Variants in COG4 observed in about 807,000 individuals in gnomAD.
COG4 encodes the protein component of oligomeric golgi complex 4.
A neutral mutation model predicts 95.1 loss-of-function variants in COG4; 65 were observed. That is an observed-to-expected ratio of 0.68 (90% confidence interval 0.56 to 0.84). The LOEUF (loss-of-function observed/expected upper bound fraction) is 0.84. Among genes scored for constraint, COG4 ranks in the 40% least tolerant of loss-of-function variants. The pLI is 0.00. For missense variants in COG4, 1,045 were observed against 989.1 expected (o/e 1.06, Z -0.76); for synonymous variants, 421 against 374.8 (o/e 1.12, Z -1.42).
At chr16:70,485,021 T>C (rs758874172) in intron 13 of COG4, among the ~76,000 whole-genome samples, 3 of 152,142 alleles carry the variant, frequency 2.0e-5, no homozygotes, top group Non-Finnish European at 4.4e-5. Context: ...ATCCCCATTG[T>C]ACAGATGAGA....
rs1378114930 is a variant in COG4, at chr16:70,501,065, A to G, written c.1088T>C (p.Val363Ala). 2 of 1,613,800 alleles carry G rather than the reference A, an allele frequency of 1.2e-6. No homozygotes were observed. Among genetic ancestry groups the G allele is most frequent in the Admixed American group, 1.7e-5 (1 of 60,006 alleles). ...PRELDPILTE[V>A]TLMNARSELY... ...CTCACTGCGGGCATTCATCAGGGTG[A>G]CCTCAGTCAGGATGGGGTCCAGTTC... Residue 363 changes from valine to alanine, a missense_variant, in exon 9 of 19, where the codon GTC becomes GCC. Coordinates refer to ENST00000323786, the MANE Select transcript of COG4 (RefSeq NM_015386.3).
chr16:70,497,149 G>C, intron 11 of COG4, 72 bp downstream of exon 11: 2 of 1,442,574 alleles, frequency 1.4e-6, no homozygotes, highest in South Asian at 2.3e-5. Flanking sequence ...ACAAAGGGCA[G>C]AAACAAATGG....
intron 8 of COG4, among the ~76,000 whole-genome samples, chr16:70,501,787 G>C (rs2049456167): frequency 6.6e-6 from 1 of 151,810 alleles, no homozygotes; most frequent in Admixed American, 6.6e-5. Context: ...GAGTAGCTGG[G>C]ATTACAGGAG....
intron 16 of COG4, 68 bp downstream of exon 16, chr16:70,482,024 C>T: frequency 7.0e-7 from 1 of 1,422,016 alleles, no homozygotes; most frequent in Non-Finnish European, 9.9e-7. Context: ...TGTGATGAGA[C>T]CCTGCAGGCT....
chr16:70,481,742 AC>A, intron 17 of COG4, 21 bp downstream of exon 17: 2 of 1,597,412 alleles, frequency 1.3e-6, no homozygotes, highest in Non-Finnish European at 1.7e-6. Context: ...AGAGCCGCAG[AC>A]CCATGACCCC....
rs1009301473 is a variant in COG4 at position 70,481,796 on chromosome 16, C to G, written c.2074G>C (p.Glu692Gln). The change falls in exon 17 of 19, where the codon GAG (glutamate) becomes CAG (glutamine). Residue 692 changes from glutamate (E) to glutamine (Q), a missense_variant. Coordinates refer to ENST00000323786, the MANE Select transcript of COG4 (RefSeq NM_015386.3). ...AAGGTGGATTTCAGCACCACTTTCT[C>G]CAACTCGACGGCAACAAGGCTAGTC... is the stretch of plus-strand genomic sequence containing the variant. ...LMTSLVAVEL[E>Q]KVVLKSTFNR... The G allele has an allele frequency of 9.3e-6, 15 of 1,613,982 alleles. No homozygotes were observed. In the South Asian group the frequency reaches 1.3e-4, roughly 14 times the overall value.
At chr16:70,502,660 T>C (rs2151753209) in intron 8 of COG4, among the ~76,000 whole-genome samples, 1 of 152,206 alleles carries the variant, frequency 6.6e-6, no homozygotes, top group Middle Eastern at 3.4e-3. Flanking sequence ...ATCTCTAATT[T>C]AGCCCTGGCA....
chr16:70,509,589 G>C (rs1332638544), intron 6 of COG4, among the ~76,000 whole-genome samples: 5 of 152,162 alleles, frequency 3.3e-5, no homozygotes, highest in Non-Finnish European at 5.9e-5. Context: ...ACACCAGCAG[G>C]CATTTGGTAA....
chr16:70,499,186 T>A (rs960384961), intron 9 of COG4, among the ~76,000 whole-genome samples: 3 of 152,206 alleles, frequency 2.0e-5, no homozygotes, highest in Admixed American at 6.5e-5. Flanking sequence ...TTTTTTTTTT[T>A]ATTAAATTTT....
chr16:70,489,302 T>G (rs1268255617), intron 13 of COG4, among the ~76,000 whole-genome samples: 2 of 150,464 alleles, frequency 1.3e-5, no homozygotes, highest in South Asian at 4.2e-4. Context: ...CACTGCAACC[T>G]CTGCCTCCCA....
At chr16:70,508,274 G>T in intron 8 of COG4, 132 bp downstream of exon 8, 4 of 787,488 alleles carry the variant, frequency 5.1e-6, no homozygotes, top group Non-Finnish European at 8.8e-6. Context: ...ATGATACATT[G>T]CACTGAAAAA....
intron 8 of COG4, among the ~76,000 whole-genome samples, chr16:70,503,775 T>A (rs1351625080): frequency 1.4e-5 from 2 of 138,868 alleles, no homozygotes; most frequent in South Asian, 4.2e-4. Flanking sequence ...TTTGTATTTT[T>A]AGTAGAGACG....
chr16:70,520,715 C>A (rs995859014), intron 1 of COG4, among the ~76,000 whole-genome samples: 2 of 152,072 alleles, frequency 1.3e-5, no homozygotes, highest in South Asian at 4.2e-4. Flanking sequence ...GTGACAGTTA[C>A]CAAAATTTTT....
intron 13 of COG4, among the ~76,000 whole-genome samples, chr16:70,485,317 C>A (rs1381584780): frequency 1.3e-5 from 2 of 151,374 alleles, no homozygotes; most frequent in Non-Finnish European, 2.9e-5. Flanking sequence ...GATTCTCGTG[C>A]CTCAGCCTCC....
chr16:70,480,695 G>C lies in COG4; in HGVS notation c.*315C>G, dbSNP rs1422921706. 7.3e-6 allele frequency: 3 copies of C among 408,248 alleles called. No individual in the cohort carries two copies. Among genetic ancestry groups the C allele is most frequent in the African/African-American group, 2.0e-5 (1 of 49,262 alleles). 25.3% of individuals were successfully genotyped at this position (408,248 alleles called of 1,614,324 possible). On this transcript the variant is annotated 3_prime_UTR_variant, in exon 19 of 19. Coordinates refer to ENST00000323786, the MANE Select transcript of COG4 (RefSeq NM_015386.3). ...GACTGGCAGGGGTAGCTTGTTTGCTGTAGTGTTTGAGGGCAAGAGACTGAC... is the reference window on the plus strand; with the variant it reads ...GACTGGCAGGGGTAGCTTGTTTGCTCTAGTGTTTGAGGGCAAGAGACTGAC...
At chr16:70,502,280 CAAAAAAAAAA>C (rs59805765) in intron 8 of COG4, among the ~76,000 whole-genome samples, 17 of 19,092 alleles carry the variant, frequency 8.9e-4, no homozygotes, top group East Asian at 8.2e-3. Context: ...GACTCCGTCT[CAAAAAAAAAA>C]AAAAAAAAAA....
At chr16:70,496,177 A>C in intron 12 of COG4, 89 bp downstream of exon 12, 2 of 1,385,442 alleles carry the variant, frequency 1.4e-6, no homozygotes, top group South Asian at 2.4e-5. Context: ...AAAAGTCTCT[A>C]GCTAGAGGCC....
chr16:70,485,533 A>T (rs936341046), intron 13 of COG4, among the ~76,000 whole-genome samples: 2 of 149,690 alleles, frequency 1.3e-5, no homozygotes, highest in African/African-American at 4.9e-5. Flanking sequence ...TAGATAAATC[A>T]TGGAGCTGGG....
In COG4 at chr16:70,483,930, C is replaced by G. The variant is rs1403089742; in HGVS notation, c.1750G>C (p.Glu584Gln). ...CTGTCAAACTTGGCCTGGGCCTGCT[C>G]CCCTCCAATGCCCTGGCTGAAGAGC... The part of the protein sequence containing the change: ...TKLFSQGIGG[E>Q]QAQAKFDSCL... Residue 584 changes from glutamate (E) to glutamine (Q), a missense_variant, in exon 14 of 19, where the codon GAG becomes CAG. Physicochemically the swap from Glu to Gln is conservative, Grantham distance 29 (BLOSUM62 2). Coordinates refer to ENST00000323786, the MANE Select transcript of COG4 (RefSeq NM_015386.3). 6.2e-7 allele frequency: 1 copy of G among 1,613,234 alleles called. No homozygotes were observed. The highest frequency in any genetic ancestry group is 8.5e-7 in the Non-Finnish European group (1 of 1,180,012).
Sources: gnomAD v4.1 joint callset for allele counts (sites outside exome capture counted in the v4.1 genomes callset) on GRCh38, gnomAD v4.1.1 for gene constraint, MANE v1.5 for transcripts, NCBI Gene and HGNC (gene_info 2026-07-23, HGNC 2026-07-21) for gene names.